Variants in DMD observed in about 807,000 individuals in gnomAD.
The protein encoded by DMD is dystrophin, also known as mutant dystrophin.
In DMD, 63 loss-of-function variants were observed where a neutral mutation model predicts 330.1. The ratio of observed to expected loss-of-function variants is 0.19; its 90% confidence interval spans 0.16 to 0.24. DMD has a LOEUF of 0.24. Among genes scored for constraint, DMD ranks in the 10% least tolerant of loss-of-function variants. The pLI is 1.00. For missense variants in DMD, 3,344 were observed against 2,684.1 expected (o/e 1.25, Z -5.43); for synonymous variants, 1,223 against 959.8 (o/e 1.27, Z -5.07).
At chrX:31,708,688 C>T (rs1220179882) in intron 52 of DMD, among the ~76,000 whole-genome samples, 2 of 111,320 alleles carry the variant, frequency 1.8e-5, no homozygotes, top group African/African-American at 3.3e-5. Context: ...AAACTTTCTC[C>T]AAAAATTAAT....
intron 1 of DMD, among the ~76,000 whole-genome samples, chrX:33,197,276 G>A (rs761569621): frequency 8.9e-6 from 1 of 111,907 alleles, no homozygotes; most frequent in South Asian, 3.7e-4. Context: ...ACAGGAAGTC[G>A]CAAAGAAATA....
intron 1 of DMD, among the ~76,000 whole-genome samples, chrX:33,112,030 T>C (rs1427160902): frequency 1.8e-5 from 2 of 110,925 alleles, no homozygotes; most frequent in East Asian, 2.8e-4. Context: ...ATATTACATA[T>C]ATTATATATA....
chrX:31,831,778 A>AT lies in DMD; in HGVS notation c.7200+4939dup, dbSNP rs775576906. Among the ~76,000 whole-genome samples the AT allele has an allele frequency of 9.6e-3, 1,061 of 110,848 alleles. 13 individuals are homozygous for AT. The highest frequency in any genetic ancestry group is 0.028 in the African/African-American group (863 of 30,381). Reference sequence around the variant, plus strand: ...CAAGCCCGGCTAATTTTGTTTTTGTATTTTTAGTAGAGATGGGGTTTCACC... The same window carrying AT: ...CAAGCCCGGCTAATTTTGTTTTTGTATTTTTTAGTAGAGATGGGGTTTCACC... On this transcript the variant is annotated intron_variant, in intron 49 of 78. Coordinates refer to ENST00000357033, the MANE Select transcript of DMD (RefSeq NM_004006.3).
chrX:31,336,888 G>A (rs1049216222), intron 61 of DMD, among the ~76,000 whole-genome samples: 4 of 109,662 alleles, frequency 3.6e-5, no homozygotes, highest in African/African-American at 1.3e-4. Flanking sequence ...AACATGTTTC[G>A]TGGTGTCTGT....
chrX:32,973,942 A>G (rs1166880300), intron 2 of DMD, among the ~76,000 whole-genome samples: 2 of 111,455 alleles, frequency 1.8e-5, no homozygotes, highest in Non-Finnish European at 3.8e-5. Flanking sequence ...AAGAATGATA[A>G]TTTTTATTCT....
intron 1 of DMD, among the ~76,000 whole-genome samples, chrX:33,193,571 G>T (rs895066826): frequency 8.9e-6 from 1 of 112,051 alleles, no homozygotes; most frequent in Admixed American, 9.5e-5. Flanking sequence ...TATTAGAAAG[G>T]CTATGTTTTT....
intron 62 of DMD, among the ~76,000 whole-genome samples, chrX:31,296,424 C>T (rs961649610): frequency 1.8e-5 from 2 of 111,345 alleles, no homozygotes; most frequent in African/African-American, 6.5e-5. Flanking sequence ...TTTTTTAATC[C>T]AATGGATGAT....
rs1363211065 is a variant in DMD at position 32,811,178 on chromosome X, T to TTTAAAAA, written c.531-1568_531-1567insTTTTTAA. On this transcript the variant is annotated intron_variant, in intron 6 of 78. Coordinates refer to ENST00000357033, the MANE Select transcript of DMD (RefSeq NM_004006.3). ...GTGAGACCTGGTCTCTACAACTTATTAAAAAAAAAAAAAAAAAATAGCCAA... is the reference window on the plus strand; with the variant it reads ...GTGAGACCTGGTCTCTACAACTTATTTTAAAAAAAAAAAAAAAAAAAAAAATAGCCAA... 1.0e-3 allele frequency among the ~76,000 whole-genome samples: 89 copies of TTTAAAAA among 86,503 alleles called. 1 individual carries two copies. The highest frequency in any genetic ancestry group is 3.7e-3 in the African/African-American group (87 of 23,815). The allele number at this position is 86,503 out of a possible 115,157, so 75.1% of individuals were successfully genotyped here.
intron 55 of DMD, among the ~76,000 whole-genome samples, chrX:31,541,980 T>C (rs1374524366): frequency 1.8e-5 from 2 of 112,100 alleles, no homozygotes; most frequent in Non-Finnish European, 3.8e-5. Flanking sequence ...GTCAATAAAA[T>C]ATTAGTTTCA....
At chrX:32,306,532 G>A in intron 42 of DMD, among the ~76,000 whole-genome samples, 1 of 111,545 alleles carries the variant, frequency 9.0e-6, no homozygotes, top group East Asian at 2.9e-4. Context: ...GTTACCCAAA[G>A]TATAGCACAT....
chrX:32,986,025 A>C (rs2147263963), intron 2 of DMD, among the ~76,000 whole-genome samples: 1 of 111,886 alleles, frequency 8.9e-6, no homozygotes, highest in Non-Finnish European at 1.9e-5. Context: ...TATACTTATT[A>C]CTTTTCTAAA....
chrX:32,640,023 A>T (rs1457929352), intron 11 of DMD, among the ~76,000 whole-genome samples: 1 of 109,999 alleles, frequency 9.1e-6, no homozygotes, highest in Non-Finnish European at 1.9e-5. Context: ...GAAACATAAC[A>T]AGACCTCATT....
At position 31,559,514 on chromosome X, in the gene DMD, G is replaced by A. The variant is rs747614395; in HGVS notation, c.8218-52061C>T. On this transcript the variant is annotated intron_variant, in intron 55 of 78. Coordinates refer to ENST00000357033, the MANE Select transcript of DMD (RefSeq NM_004006.3). ...AAATTAGCTGGGCATGGTGGCGCGCGCCTGTAGTCCCAGCTACACGGGAGG... is the reference window on the plus strand; with the variant it reads ...AAATTAGCTGGGCATGGTGGCGCGCACCTGTAGTCCCAGCTACACGGGAGG... Among the ~76,000 whole-genome samples the A allele has an allele frequency of 2.4e-4, 21 of 89,067 alleles. 2 individuals are homozygous for A. The East Asian group carries it at 5.7e-3, about 24-fold the overall frequency. The allele number at this position is 89,067 out of a possible 115,157, so 77.3% of individuals were successfully genotyped here. A position where few individuals can be genotyped will look rare whatever the true frequency, so the allele number is the denominator to read the frequency against.
At chrX:32,571,339 C>A (rs1294171277) in intron 15 of DMD, among the ~76,000 whole-genome samples, 2 of 111,428 alleles carry the variant, frequency 1.8e-5, no homozygotes, top group Non-Finnish European at 3.8e-5. Flanking sequence ...ATGATAGAAT[C>A]CCTCATGAAT....
At chrX:32,636,930 G>A (rs886972067) in intron 11 of DMD, among the ~76,000 whole-genome samples, 2 of 109,979 alleles carry the variant, frequency 1.8e-5, no homozygotes, top group African/African-American at 6.6e-5. Flanking sequence ...CCCGGGGGGC[G>A]GAGCTTGCAG....
chrX:31,557,281 C>G, intron 55 of DMD, among the ~76,000 whole-genome samples: 1 of 111,515 alleles, frequency 9.0e-6, no homozygotes, highest in Non-Finnish European at 1.9e-5. Flanking sequence ...AAAGGCAAGA[C>G]AGTGGCTCAT....
At chrX:32,695,786 G>C (rs2063609407) in intron 9 of DMD, among the ~76,000 whole-genome samples, 1 of 111,661 alleles carries the variant, frequency 9.0e-6, no homozygotes, top group South Asian at 3.7e-4. Flanking sequence ...GTTGATAAAA[G>C]AACAAGTACA....
At chrX:32,548,232 C>T (rs867768485) in intron 16 of DMD, among the ~76,000 whole-genome samples, 1 of 111,135 alleles carries the variant, frequency 9.0e-6, no homozygotes, top group Non-Finnish European at 1.9e-5. Flanking sequence ...AACCTTACGG[C>T]AAAATAGGGA....
chrX:31,354,267 A>AATTCATT (rs2058560703), intron 60 of DMD, among the ~76,000 whole-genome samples: 1 of 112,065 alleles, frequency 8.9e-6, no homozygotes, highest in Non-Finnish European at 1.9e-5. Flanking sequence ...GAATTAATGT[A>AATTCATT]CTGTTTATTC....
Sources: allele counts gnomAD v4.1 joint callset (sites outside exome capture counted in the v4.1 genomes callset), GRCh38; gene constraint gnomAD v4.1.1; transcripts MANE v1.5; gene names NCBI Gene and HGNC (gene_info 2026-07-23, HGNC 2026-07-21).